SPAG16: variants seen among roughly 807,000 people sequenced by gnomAD.
SPAG16 encodes the protein sperm associated antigen 16.
In SPAG16, 86 loss-of-function variants were observed where a neutral mutation model predicts 80.4. That is an observed-to-expected ratio of 1.07 (90% CI 0.90 to 1.28). The LOEUF is 1.28. SPAG16 is among the 50% of genes most tolerant of loss of function. The pLI is 0.00. For synonymous variants in SPAG16, 294 were observed against 265.9 expected (o/e 1.11, Z -1.03); for missense variants, 870 against 765.3 (o/e 1.14, Z -1.61).
chr2:214,287,842 T>C (rs1195873028), intron 15 of SPAG16, among the ~76,000 whole-genome samples: 3 of 152,212 alleles, frequency 2.0e-5, no homozygotes, highest in Non-Finnish European at 4.4e-5. Flanking sequence ...ATTTGTTACA[T>C]ATGTAGAATA....
At chr2:213,378,658 G>A (rs6748224) in intron 9 of SPAG16, among the ~76,000 whole-genome samples, 11,313 of 152,226 alleles carry the variant, frequency 0.074, 1,383 homozygotes, top group African/African-American at 0.25. Context: ...TACAGTCCTC[G>A]TTTCTGCAGC....
chr2:213,922,808 C>T (rs2078285358), intron 11 of SPAG16, among the ~76,000 whole-genome samples: 1 of 151,990 alleles, frequency 6.6e-6, no homozygotes, highest in Non-Finnish European at 1.5e-5. Flanking sequence ...GTGGCACCCT[C>T]TATGATTACT....
intron 10 of SPAG16, among the ~76,000 whole-genome samples, chr2:213,850,230 A>T (rs998810498): frequency 6.6e-6 from 1 of 152,248 alleles, no homozygotes; most frequent in African/African-American, 2.4e-5. Flanking sequence ...AGAAAATGGA[A>T]ATGACATTGT....
rs373328985 is a variant in SPAG16, at chr2:214,364,627, G to A, written c.1721-45513G>A. On this transcript the variant is annotated intron_variant, in intron 15 of 15. Transcript: ENST00000331683. Reference sequence around the variant, plus strand: ...ATGTGAAGTTACTAAAAGCTTCACCGAAGAGACAGCATTTAAACAGTGCTG... The same window carrying A: ...ATGTGAAGTTACTAAAAGCTTCACCAAAGAGACAGCATTTAAACAGTGCTG... 9.1e-4 allele frequency among the ~76,000 whole-genome samples: 139 copies of A among 152,232 alleles called. 2 individuals carry two copies. Among genetic ancestry groups the A allele is most frequent in the South Asian group, 6.4e-3 (31 of 4,826 alleles).
At chr2:213,371,109 G>T (rs1559465520) in intron 8 of SPAG16, among the ~76,000 whole-genome samples, 1 of 152,074 alleles carries the variant, frequency 6.6e-6, no homozygotes, top group Non-Finnish European at 1.5e-5. Flanking sequence ...CCTACTTAGG[G>T]ACTGTAATTT....
At chr2:213,736,186 A>T (rs2067272454) in intron 10 of SPAG16, among the ~76,000 whole-genome samples, 1 of 152,172 alleles carries the variant, frequency 6.6e-6, no homozygotes, top group Non-Finnish European at 1.5e-5. Flanking sequence ...GGTTTCTTTA[A>T]TAGAGTGAAT....
At chr2:214,235,237 C>T (rs1236147011) in intron 15 of SPAG16, among the ~76,000 whole-genome samples, 3 of 152,062 alleles carry the variant, frequency 2.0e-5, no homozygotes, top group African/African-American at 4.8e-5. Context: ...CAAATTTATA[C>T]ACCTGAAATA....
At chr2:214,328,195 G>A (rs1364243222) in intron 15 of SPAG16, among the ~76,000 whole-genome samples, 7 of 148,510 alleles carry the variant, frequency 4.7e-5, no homozygotes, top group African/African-American at 1.5e-4. Context: ...TCACTCTGTC[G>A]CCTAGGCTGG....
intron 10 of SPAG16, among the ~76,000 whole-genome samples, chr2:213,566,006 G>A (rs1490898052): frequency 1.3e-5 from 2 of 152,182 alleles, no homozygotes; most frequent in East Asian, 1.9e-4. Flanking sequence ...ATTAGCCCAG[G>A]AGAATGGGAA....
intron 10 of SPAG16, among the ~76,000 whole-genome samples, chr2:213,575,922 A>C (rs886749179): frequency 1.3e-5 from 2 of 152,214 alleles, no homozygotes; most frequent in South Asian, 4.1e-4. Flanking sequence ...ATTGATTCCT[A>C]TGTTTTTCAT....
intron 15 of SPAG16, among the ~76,000 whole-genome samples, chr2:214,216,032 T>C (rs879516442): frequency 2.0e-5 from 3 of 152,194 alleles, no homozygotes; most frequent in Non-Finnish European, 4.4e-5. Context: ...AACAATTGCA[T>C]GTAAAGTCTT....
chr2:213,605,782 C>A (rs1343929318), intron 10 of SPAG16, among the ~76,000 whole-genome samples: 1 of 152,150 alleles, frequency 6.6e-6, no homozygotes, highest in African/African-American at 2.4e-5. Flanking sequence ...AGCCACCGCA[C>A]CCAGCCTGGA....
chr2:213,764,530 C>T (rs960215142), intron 10 of SPAG16, among the ~76,000 whole-genome samples: 1 of 152,050 alleles, frequency 6.6e-6, no homozygotes, highest in African/African-American at 2.4e-5. Context: ...TTTTTTTAAA[C>T]TCTCTGAAAA....
At chr2:214,281,534 C>G (rs932860913) in intron 15 of SPAG16, 1 of 152,464 alleles carries the variant, frequency 6.6e-6, no homozygotes, top group Non-Finnish European at 1.5e-5. Flanking sequence ...GAGGGAGCAA[C>G]TGATTTCTGA....
chr2:213,532,531 G>A (rs1370604072), intron 10 of SPAG16, among the ~76,000 whole-genome samples: 2 of 148,410 alleles, frequency 1.3e-5, no homozygotes, highest in Non-Finnish European at 3.0e-5. Flanking sequence ...TTGCCATCTC[G>A]GCTCACCACA....
intron 14 of SPAG16, among the ~76,000 whole-genome samples, chr2:214,117,151 A>G (rs1186150954): frequency 6.6e-6 from 1 of 152,186 alleles, no homozygotes; most frequent in Admixed American, 6.5e-5. Context: ...GGGAAATTTT[A>G]TAGAGAGATT....
intron 15 of SPAG16, among the ~76,000 whole-genome samples, chr2:214,270,634 G>A (rs1691920191): frequency 6.6e-6 from 1 of 152,042 alleles, no homozygotes; most frequent in African/African-American, 2.4e-5. Context: ...TCTACTCCTA[G>A]AATATCTCAA....
At chr2:214,109,721 A>G (rs915998627) in intron 14 of SPAG16, among the ~76,000 whole-genome samples, 2 of 152,198 alleles carry the variant, frequency 1.3e-5, no homozygotes, top group African/African-American at 2.4e-5. Flanking sequence ...GAAATATTCT[A>G]TCTAATTTTC....
chr2:213,871,696 C>G (rs1162362617), intron 11 of SPAG16, among the ~76,000 whole-genome samples: 1 of 151,936 alleles, frequency 6.6e-6, no homozygotes, highest in East Asian at 1.9e-4. Flanking sequence ...GAGACACTTG[C>G]CAAAGATTGG....
Sources: allele counts gnomAD v4.1 joint callset (sites outside exome capture counted in the v4.1 genomes callset), GRCh38; gene constraint gnomAD v4.1.1; transcripts MANE v1.5; gene names NCBI Gene and HGNC (gene_info 2026-07-23, HGNC 2026-07-21).